The following TNFRSF10B variants were observed in gnomAD, a reference collection of about 807,000 sequenced individuals.
TNFRSF10B encodes TNF receptor superfamily member 10b, also known as tumor necrosis factor receptor superfamily member 10B.
TNFRSF10B carries 35 observed loss-of-function variants against 41.4 expected under a neutral mutation model. The ratio of observed to expected loss-of-function variants is 0.85; its 90% CI spans 0.65 to 1.12. The LOEUF (loss-of-function observed/expected upper bound fraction) is 1.12, where lower values mean the gene tolerates loss of function less well. TNFRSF10B is among the 50% of genes most tolerant of loss of function. The pLI is 0.00. For missense variants in TNFRSF10B, 584 were observed against 552.7 expected, an observed-to-expected ratio of 1.06 and a Z score of -0.57; for synonymous variants, 230 against 215.5, an observed-to-expected ratio of 1.07 and a Z score of -0.59.
intron 1 of TNFRSF10B, among the ~76,000 whole-genome samples, chr8:23,044,025 A>G (rs1177476311): frequency 6.6e-6 from 1 of 152,252 alleles, no homozygotes; most frequent in African/African-American, 2.4e-5. Flanking sequence ...GCATGACTGT[A>G]TATGATCAAG....
chr8:23,037,409 A>T (rs892772709), intron 2 of TNFRSF10B, among the ~76,000 whole-genome samples: 1 of 152,182 alleles, frequency 6.6e-6, no homozygotes, highest in African/African-American at 2.4e-5. Flanking sequence ...CAGGTTGATT[A>T]TTACACTGAA....
At chr8:23,043,858 A>G (rs1001791) in intron 1 of TNFRSF10B, among the ~76,000 whole-genome samples, 64,493 of 152,138 alleles carry the variant, frequency 0.42, 16,326 homozygotes, top group African/African-American at 0.71. Context: ...AGAAGAGTGT[A>G]CTTACACAAA....
intron 1 of TNFRSF10B, among the ~76,000 whole-genome samples, chr8:23,058,340 G>A (rs1408521784): frequency 6.6e-6 from 1 of 152,086 alleles, no homozygotes; most frequent in Admixed American, 6.5e-5. Context: ...AGTGTTTGGT[G>A]GATTTACAGT....
chr8:23,050,730 C>T (rs1399199668), intron 1 of TNFRSF10B, among the ~76,000 whole-genome samples: 1 of 152,182 alleles, frequency 6.6e-6, no homozygotes, highest in African/African-American at 2.4e-5. Flanking sequence ...CATAATAATT[C>T]TCCCTTTTTG....
At chr8:23,030,934 G>A (rs1187211368) in intron 2 of TNFRSF10B, 62 bp from the exon 3 acceptor site, 7 of 1,191,368 alleles carry the variant, frequency 5.9e-6, no homozygotes, top group Non-Finnish European at 8.5e-6. Flanking sequence ...GCTGGCAGTG[G>A]TGGCTGGGGG....
chr8:23,042,156 T>C (rs894002998), intron 2 of TNFRSF10B, among the ~76,000 whole-genome samples: 5 of 152,234 alleles, frequency 3.3e-5, no homozygotes, highest in African/African-American at 1.2e-4. Context: ...GTCTTGACCC[T>C]GGACCACAGC....
intron 1 of TNFRSF10B, among the ~76,000 whole-genome samples, chr8:23,044,415 A>G (rs1337132220): frequency 6.6e-6 from 1 of 152,234 alleles, no homozygotes; most frequent in African/African-American, 2.4e-5. Flanking sequence ...TGCTAGTTGT[A>G]TATCTGATAA....
chr8:23,057,789 CTT>C (rs1204719301), intron 1 of TNFRSF10B, among the ~76,000 whole-genome samples: 16 of 152,172 alleles, frequency 1.1e-4, no homozygotes, highest in Admixed American at 7.2e-4. Flanking sequence ...AATTAACTCT[CTT>C]AACACTACAA....
intron 2 of TNFRSF10B, among the ~76,000 whole-genome samples, chr8:23,038,598 G>A: frequency 6.6e-6 from 1 of 152,076 alleles, no homozygotes; most frequent in East Asian, 1.9e-4. Flanking sequence ...TCACTTTATA[G>A]TATTTATGTT....
intron 2 of TNFRSF10B, among the ~76,000 whole-genome samples, chr8:23,040,937 C>A (rs1045494900): frequency 6.6e-6 from 1 of 152,054 alleles, no homozygotes; most frequent in East Asian, 1.9e-4. Context: ...AGGTGGCTGT[C>A]AAATAATAAT....
chr8:23,028,160 T>G, intron 5 of TNFRSF10B, 171 bp downstream of exon 5: 1 of 841,156 alleles, frequency 1.2e-6, no homozygotes, highest in Non-Finnish European at 1.9e-6. Context: ...GAGACCAGGG[T>G]CCTGGGGGGT....
intron 2 of TNFRSF10B, among the ~76,000 whole-genome samples, chr8:23,039,984 G>C (rs777419902): frequency 1.3e-5 from 2 of 152,018 alleles, no homozygotes; most frequent in Non-Finnish European, 2.9e-5. Flanking sequence ...CTTGAGGTCA[G>C]GAGTTTGAGA....
At chr8:23,061,570 A>G (rs1441650372) in intron 1 of TNFRSF10B, among the ~76,000 whole-genome samples, 1 of 152,186 alleles carries the variant, frequency 6.6e-6, no homozygotes, top group Admixed American at 6.5e-5. Flanking sequence ...TTCCAGTACT[A>G]TGCTGAGTGG....
intron 2 of TNFRSF10B, among the ~76,000 whole-genome samples, chr8:23,037,747 C>T (rs1812065123): frequency 6.6e-6 from 1 of 152,150 alleles, no homozygotes; most frequent in Admixed American, 6.6e-5. Flanking sequence ...GGTGGCAGTA[C>T]CTTGAAGGGC....
chr8:23,041,064 G>T (rs7833420), intron 2 of TNFRSF10B, among the ~76,000 whole-genome samples: 141 of 10,994 alleles, frequency 0.013, 1 homozygote, highest in Middle Eastern at 0.042. Context: ...TTTTTTTGTT[G>T]TTTTTTTTTT....
At chr8:23,029,430 G>C (rs1379570614) in intron 4 of TNFRSF10B, among the ~76,000 whole-genome samples, 180 bp downstream of exon 4, 1 of 152,126 alleles carries the variant, frequency 6.6e-6, no homozygotes, top group Non-Finnish European at 1.5e-5. Flanking sequence ...GTGCTGGGGA[G>C]GGGTGGAAAG....
intron 1 of TNFRSF10B, among the ~76,000 whole-genome samples, chr8:23,045,766 T>C (rs1457951519): frequency 6.6e-6 from 1 of 152,226 alleles, no homozygotes; most frequent in African/African-American, 2.4e-5. Context: ...GTTCCTGGGA[T>C]GCAAAGATGG....
At position 23,020,182 on chromosome 8, in the gene TNFRSF10B, T is replaced by C. The variant is rs752276659; in HGVS notation, c.*2489A>G. ...ATTTGGTCATGGATTCATAAATACA[T>C]AAGTATTTTGTACACAATGTGCTTC... On this transcript the variant is annotated 3_prime_UTR_variant, in exon 9 of 9. Transcript: ENST00000276431. 1 of 429,580 alleles carries C rather than the reference T, an allele frequency of 2.3e-6. No individual in the cohort carries two copies. The highest frequency in any genetic ancestry group is 4.7e-6 in the Non-Finnish European group (1 of 212,140). The allele number at this position is 429,580 out of a possible 1,614,324, so 26.6% of individuals were successfully genotyped here.
intron 1 of TNFRSF10B, chr8:23,068,393 G>GAAAGAGAA (rs994729115): frequency 2.9e-6 from 1 of 348,110 alleles, no homozygotes; most frequent in Admixed American, 4.6e-5. Flanking sequence ...AAGAAAGGAA[G>GAAAGAGAA]AAAGAGAAAA....
Sources: allele counts gnomAD v4.1 joint callset (sites outside exome capture counted in the v4.1 genomes callset), GRCh38; gene constraint gnomAD v4.1.1; transcripts MANE v1.5; gene names NCBI Gene and HGNC (gene_info 2026-07-23, HGNC 2026-07-21).